The following RIMBP2 variants were observed in gnomAD, a reference collection of about 807,000 sequenced individuals.
The protein encoded by RIMBP2 is RIMS binding protein 2, also known as RIMS-binding protein 2.
A neutral mutation model predicts 118.6 loss-of-function variants in RIMBP2; 48 were observed. The ratio of observed to expected loss-of-function variants is 0.40; its 90% CI spans 0.32 to 0.51. RIMBP2 has a LOEUF of 0.51. RIMBP2 is among the 20% of genes least tolerant of loss of function. RIMBP2 has a pLI of 0.41. For synonymous variants in RIMBP2, 762 were observed against 742.9 expected (o/e 1.03, Z -0.42); for missense variants, 1,551 against 1,768.3 (o/e 0.88, Z 2.20).
chr12:130,673,199 C>A (rs2064280241), intron 1 of RIMBP2, among the ~76,000 whole-genome samples: 1 of 152,236 alleles, frequency 6.6e-6, no homozygotes. Flanking sequence ...ACAGCAGGAG[C>A]TGCTCAGGCA....
rs2078640083 is a variant in RIMBP2 at position 130,447,579 on chromosome 12, G to A, written c.582-2310C>T. ...ATCACTGATGGGAATGGGTTCTTGAGGGGCGATGGGAGACCCCCACATGTG... is the reference window on the plus strand; with the variant it reads ...ATCACTGATGGGAATGGGTTCTTGAAGGGCGATGGGAGACCCCCACATGTG... On this transcript the variant is annotated intron_variant, in intron 9 of 22. Coordinates refer to ENST00000690449, the MANE Select transcript of RIMBP2 (RefSeq NM_001393629.1). The surrounding 1 kb of genome is among the most constrained non-coding windows in gnomAD (Gnocchi z 4.4). Among the ~76,000 whole-genome samples the A allele has an allele frequency of 6.6e-6, 1 of 152,152 alleles. No individual in the cohort carries two copies. Among genetic ancestry groups the A allele is most frequent in the Admixed American group, 6.5e-5 (1 of 15,278 alleles).
chr12:130,647,520 C>T (rs2063044980), intron 1 of RIMBP2, among the ~76,000 whole-genome samples: 1 of 144,982 alleles, frequency 6.9e-6, no homozygotes, highest in African/African-American at 2.5e-5. Flanking sequence ...AATGGATTCA[C>T]CTGCACCTAG....
intron 1 of RIMBP2, among the ~76,000 whole-genome samples, chr12:130,672,646 G>C (rs368683449): frequency 6.6e-6 from 1 of 152,202 alleles, no homozygotes; most frequent in Admixed American, 6.5e-5. Context: ...CTCCACGGGG[G>C]GTTGCAGAGG....
intron 2 of RIMBP2, among the ~76,000 whole-genome samples, chr12:130,532,615 A>C (rs1231813996): frequency 8.9e-6 from 1 of 112,730 alleles, no homozygotes; most frequent in Non-Finnish European, 1.8e-5. Context: ...TGAGATGCGT[A>C]TGCTTAGCCT....
chr12:130,641,508 C>T (rs2062622235), intron 1 of RIMBP2, among the ~76,000 whole-genome samples: 1 of 150,914 alleles, frequency 6.6e-6, no homozygotes, highest in Admixed American at 6.6e-5. Context: ...CTCGGCCCGG[C>T]ATCACGGGCT....
chr12:130,653,342 T>C (rs1431051352), intron 1 of RIMBP2, among the ~76,000 whole-genome samples: 3 of 152,208 alleles, frequency 2.0e-5, no homozygotes, highest in Non-Finnish European at 4.4e-5. Flanking sequence ...CTCTGAAACA[T>C]AGCAGGGCAG....
At chr12:130,625,298 T>C in intron 2 of RIMBP2, among the ~76,000 whole-genome samples, 1 of 152,188 alleles carries the variant, frequency 6.6e-6, no homozygotes. Flanking sequence ...TCTTAATATG[T>C]TTTATTGACA....
At position 130,536,170 on chromosome 12, in the gene RIMBP2, T is replaced by C. The variant is rs547815442; in HGVS notation, c.-216-18253A>G. On this transcript the variant is annotated intron_variant, in intron 2 of 22. Transcript: ENST00000690449. ...TTTAAGTAATAGTGTGGGTGGTATG[T>C]ACAAAAATGAGAGAGAGAGAGAGAA... Among the ~76,000 whole-genome samples the C allele has an allele frequency of 1.1e-4, 17 of 152,156 alleles. No individual in the cohort carries two copies. The East Asian group carries it at 2.9e-3, about 26-fold the overall frequency.
At chr12:130,559,415 G>A (rs1015619110) in intron 2 of RIMBP2, among the ~76,000 whole-genome samples, 8 of 151,950 alleles carry the variant, frequency 5.3e-5, no homozygotes, top group African/African-American at 1.5e-4. Flanking sequence ...ATCACGTGCC[G>A]TTTGTCTTTC....
chr12:130,596,276 G>C (rs1021378697), intron 2 of RIMBP2, among the ~76,000 whole-genome samples: 1 of 152,160 alleles, frequency 6.6e-6, no homozygotes. Flanking sequence ...GACAGCCTGC[G>C]TTTACTGAGC....
chr12:130,409,677 T>C (rs534061108), intron 19 of RIMBP2, among the ~76,000 whole-genome samples: 21 of 152,252 alleles, frequency 1.4e-4, no homozygotes, highest in Admixed American at 2.6e-4. Flanking sequence ...TTCTTTCATC[T>C]GGATGACGCC....
At chr12:130,463,326 C>T (rs78782017) in intron 6 of RIMBP2, among the ~76,000 whole-genome samples, 7 of 152,356 alleles carry the variant, frequency 4.6e-5, no homozygotes, top group East Asian at 3.9e-4. Context: ...ACCTGCTCGG[C>T]GCTAGGGTCT....
chr12:130,630,578 C>T (rs2061933175), intron 1 of RIMBP2, among the ~76,000 whole-genome samples: 1 of 152,098 alleles, frequency 6.6e-6, no homozygotes. Flanking sequence ...ATTAAAGGAT[C>T]TCTGAGTGCT....
At chr12:130,652,441 T>C (rs2063266305) in intron 1 of RIMBP2, among the ~76,000 whole-genome samples, 1 of 152,228 alleles carries the variant, frequency 6.6e-6, no homozygotes, top group African/African-American at 2.4e-5. Flanking sequence ...TCTAAATGGC[T>C]TGTAGTTTTG....
At chr12:130,664,790 T>C (rs1000680218) in intron 1 of RIMBP2, among the ~76,000 whole-genome samples, 1 of 151,762 alleles carries the variant, frequency 6.6e-6, no homozygotes, top group African/African-American at 2.4e-5. Context: ...TTTAAAATAA[T>C]GGCAATAAAT....
In RIMBP2 at chr12:130,640,606, C is replaced by T. The variant is rs59684442; in HGVS notation, c.-351-12150G>A. Among the ~76,000 whole-genome samples the T allele has an allele frequency of 0.014, 2,120 of 152,294 alleles. 103 individuals carry two copies. In the East Asian group the frequency reaches 0.14, roughly 10 times the overall value. ...TGTTCACTGAAGCTTCGAAAGAGCC[C>T]GTGAGGTAGGCACTGTGATGACCTG... is the stretch of plus-strand genomic sequence containing the variant. On this transcript the variant is annotated intron_variant, in intron 1 of 22. Coordinates refer to ENST00000690449, the MANE Select transcript of RIMBP2 (RefSeq NM_001393629.1).
intron 1 of RIMBP2, among the ~76,000 whole-genome samples, chr12:130,693,616 T>C (rs928577574): frequency 1.3e-5 from 2 of 152,126 alleles, no homozygotes; most frequent in Admixed American, 1.3e-4. Flanking sequence ...GCCTACCCCA[T>C]ATGCATTTTG....
chr12:130,637,747 C>G (rs952761064), intron 1 of RIMBP2, among the ~76,000 whole-genome samples: 1 of 152,176 alleles, frequency 6.6e-6, no homozygotes, highest in Non-Finnish European at 1.5e-5. Flanking sequence ...TAACAATGTC[C>G]TCTTTCCTAT....
intron 1 of RIMBP2, among the ~76,000 whole-genome samples, chr12:130,659,167 T>C (rs2063549890): frequency 6.6e-6 from 1 of 152,234 alleles, no homozygotes; most frequent in African/African-American, 2.4e-5. Flanking sequence ...TTACACTGTC[T>C]AGTGGTCACC....
Sources: allele counts gnomAD v4.1 joint callset (sites outside exome capture counted in the v4.1 genomes callset), GRCh38; gene constraint gnomAD v4.1.1; non-coding constraint Gnocchi (gnomAD v3.1); transcripts MANE v1.5; gene names NCBI Gene and HGNC (gene_info 2026-07-23, HGNC 2026-07-21).